SELENOM: variants seen among roughly 807,000 people sequenced by gnomAD.
The protein encoded by SELENOM is selenoprotein SelM.
In SELENOM, 17 loss-of-function variants were observed where a neutral mutation model predicts 14.5. The observed-to-expected ratio is 1.17, with a 90% confidence interval of 0.80 to 1.76. The LOEUF (loss-of-function observed/expected upper bound fraction) is 1.76. Among genes scored for constraint, SELENOM ranks in the 40% most tolerant of loss-of-function variants. SELENOM has a pLI of 0.00. For missense variants in SELENOM, 230 were observed against 204.6 expected (o/e 1.12, Z -0.76); for synonymous variants, 102 against 93.3 (o/e 1.09, Z -0.54).
Position 31,107,387 on chromosome 22 carries a change from G to A in SELENOM, c.119C>T (p.Ala40Val). 1 of 1,594,622 alleles carries A rather than the reference G, an allele frequency of 6.3e-7. No homozygotes were observed. The highest frequency in any genetic ancestry group is 8.5e-7 in the Non-Finnish European group (1 of 1,172,620). Residue 40 changes from alanine to valine, a missense_variant, in exon 1 of 5, where the codon GCC becomes GTC. Coordinates refer to ENST00000400299, the MANE Select transcript of SELENOM (RefSeq NM_080430.4). ...DWNRLSGLTR[A>V]RVETCGGUQL... Reference sequence around the variant, plus strand: ...GGCCGGCGTACTCACCTCTACCCGGGCGCGGGTTAGGCCGCTCAGACGGTT... The same window carrying A: ...GGCCGGCGTACTCACCTCTACCCGGACGCGGGTTAGGCCGCTCAGACGGTT...
chr22:31,105,076 T>A lies in SELENOM; in HGVS notation c.332A>T (p.Glu111Val). 1 of 1,612,934 alleles carries A rather than the reference T, an allele frequency of 6.2e-7. No homozygotes were observed. Residue 111 changes from glutamate to valine, a missense_variant, in exon 5 of 5, where the codon GAG becomes GTG. Transcript: ENST00000400299. ...TREEINALVQ[E>V]LGFYRKAAPD... is the part of the protein sequence containing the mutation. ...CGCCGCCTTGCGGTAGAAGCCGAGC[T>A]CCTGCACTAGCGCATTGATCTCTTC...
chr22:31,107,356 G>T, intron 1 of SELENOM, 21 bp downstream of exon 1: 4 of 1,586,856 alleles, frequency 2.5e-6, no homozygotes, highest in Non-Finnish European at 2.6e-6. Context: ...TAGTGCCGGG[G>T]CTGGAGGCCG....
Position 31,105,115 on chromosome 22 carries a change from C to A in SELENOM, c.293G>T (p.Ser98Ile). 6.2e-7 allele frequency: 1 copy of A among 1,613,552 alleles called. No individual in the cohort carries two copies. The highest frequency in any genetic ancestry group is 8.5e-7 in the Non-Finnish European group (1 of 1,179,830). ...ATTGATCTCTTCGCGGGTCATTTCACTGAGTGGGATGCGCTGAGGCGGAGG... is the reference window on the plus strand; with the variant it reads ...ATTGATCTCTTCGCGGGTCATTTCAATGAGTGGGATGCGCTGAGGCGGAGG... ...RYEELERIPL[S>I]EMTREEINAL... Residue 98 changes from serine (S) to isoleucine (I), a missense_variant, in exon 5 of 5, where the codon AGT (serine) becomes ATT (isoleucine). By Grantham distance (142) the Ser-to-Ile change is moderately radical. Coordinates refer to ENST00000400299, the MANE Select transcript of SELENOM (RefSeq NM_080430.4).
In SELENOM at chr22:31,107,165, G is replaced by A. The variant is rs554325647; in HGVS notation, c.129+212C>T. The A allele has an allele frequency of 1.0e-5, 6 of 583,486 alleles. No homozygotes were observed. The South Asian group carries it at 1.3e-4, about 13-fold the overall frequency. 36.1% of individuals were successfully genotyped at this position (583,486 alleles called of 1,614,324 possible). A position where few individuals can be genotyped will look rare whatever the true frequency, so the allele number is the denominator to read the frequency against. On this transcript the variant is annotated intron_variant, in intron 1 of 4. Coordinates refer to ENST00000400299, the MANE Select transcript of SELENOM (RefSeq NM_080430.4). ...GGTAGGGGGAGCTGGGGAAGGGTTC[G>A]GAGTTCCAGGCCCCAAAGTCGGTGT... is the stretch of plus-strand genomic sequence containing the variant.
At chr22:31,106,643 T>G (rs2147853038) in intron 1 of SELENOM, 1 of 164,142 alleles carries the variant, frequency 6.1e-6, no homozygotes, top group South Asian at 1.7e-4. Flanking sequence ...CCCAAGCTGG[T>G]CTTGAACTCC....
chr22:31,106,642 G>T (rs1212567552), intron 1 of SELENOM: 1 of 164,076 alleles, frequency 6.1e-6, no homozygotes, highest in Middle Eastern at 5.1e-4. Context: ...CCCCAAGCTG[G>T]TCTTGAACTC....
chr22:31,104,859 C>G lies in SELENOM; in HGVS notation c.*111G>C. 3.2e-6 allele frequency: 4 copies of G among 1,262,066 alleles called. No homozygotes were observed. The highest frequency in any genetic ancestry group is 4.3e-6 in the Non-Finnish European group (4 of 936,630). The allele number at this position is 1,262,066 out of a possible 1,614,324, so 78.2% of individuals were successfully genotyped here. A position where few individuals can be genotyped will look rare whatever the true frequency, so the allele number is the denominator to read the frequency against. ...CCTCCCCAACCCCATCCCTGCTGGC[C>G]CGGGGACGGGCATCGGCTCTCAGCA... On this transcript the variant is annotated 3_prime_UTR_variant, in exon 5 of 5. Transcript: ENST00000400299.
At chr22:31,106,035 A>T (rs2044401453) in intron 1 of SELENOM, 70 bp from the exon 2 acceptor site, 6 of 1,425,488 alleles carry the variant, frequency 4.2e-6, no homozygotes, top group Non-Finnish European at 6.0e-6. Context: ...CCAAAGCCAT[A>T]CTTCCTTATC....
At position 31,105,665 on chromosome 22, in the gene SELENOM, G is replaced by C. The variant is rs1357383981; in HGVS notation, c.193C>G (p.Pro65Ala). ...EVKAFVTQDI[P>A]FYHNLVMKHL... ...CCCAGAACAGAAGGATACTAGAATG[G>C]AATGTCCTGCGTGACGAAAGCCTTC... The change falls in exon 3 of 5, where the codon CCA becomes GCA. Residue 65 changes from proline to alanine, a missense_variant. Physicochemically the swap from Pro to Ala is conservative, Grantham distance 27 (BLOSUM62 -1). Transcript: ENST00000400299. 2 of 1,614,034 alleles carry C rather than the reference G, an allele frequency of 1.2e-6. No individual in the cohort carries two copies. Among genetic ancestry groups the C allele is most frequent in the South Asian group, 2.2e-5 (2 of 91,084 alleles).
rs1465855836 is a variant in SELENOM at position 31,107,431 on chromosome 22, A to AGTGGCGGCT, written c.66_74dup (p.Ala24_Ala26dup). ...GACGGTTCCAGTCCGGCCGGTAGGC[A>AGTGGCGGCT]GTGGCGGCTGTGGCTGGGGCCACAA... On this transcript the variant is annotated inframe_insertion, in exon 1 of 5. Transcript: ENST00000400299. 7.0e-6 allele frequency: 11 copies of AGTGGCGGCT among 1,580,722 alleles called. No individual in the cohort carries two copies. Among genetic ancestry groups the AGTGGCGGCT allele is most frequent in the Non-Finnish European group, 9.4e-6 (11 of 1,165,908 alleles).
Position 31,107,411 on chromosome 22 carries a change from T to C in SELENOM, c.95A>G (p.Asn32Ser), listed in dbSNP as rs891586852. Residue 32 changes from asparagine (N) to serine (S), a missense_variant, in exon 1 of 5, where the codon AAC becomes AGC. Asn to Ser is a conservative substitution (Grantham distance 46). Coordinates refer to ENST00000400299, the MANE Select transcript of SELENOM (RefSeq NM_080430.4). ...TAATAYRPDW[N>S]RLSGLTRARV... ...GGCGCGGGTTAGGCCGCTCAGACGG[T>C]TCCAGTCCGGCCGGTAGGCAGTGGC... 9.4e-6 allele frequency: 15 copies of C among 1,591,810 alleles called. No homozygotes were observed. The highest frequency in any genetic ancestry group is 1.2e-5 in the Non-Finnish European group (14 of 1,171,382).
At position 31,104,865 on chromosome 22, in the gene SELENOM, A is replaced by C; in HGVS notation, c.*105T>G. ...CAACCCCATCCCTGCTGGCCCGGGGACGGGCATCGGCTCTCAGCAAGAGAA... is the reference window on the plus strand; with the variant it reads ...CAACCCCATCCCTGCTGGCCCGGGGCCGGGCATCGGCTCTCAGCAAGAGAA... On this transcript the variant is annotated 3_prime_UTR_variant, in exon 5 of 5. Coordinates refer to ENST00000400299, the MANE Select transcript of SELENOM (RefSeq NM_080430.4). 2 of 1,281,342 alleles carry C rather than the reference A, an allele frequency of 1.6e-6. No individual in the cohort carries two copies. Among genetic ancestry groups the C allele is most frequent in the South Asian group, 3.3e-5 (2 of 61,334 alleles). 79.4% of individuals were successfully genotyped at this position (1,281,342 alleles called of 1,614,324 possible). A position where few individuals can be genotyped will look rare whatever the true frequency, so the allele number is the denominator to read the frequency against.
rs765494644 is a variant in SELENOM, at chr22:31,105,033, G to C, written c.375C>G (p.Pro125=). 2 of 1,611,410 alleles carry C rather than the reference G, an allele frequency of 1.2e-6. No homozygotes were observed. The highest frequency in any genetic ancestry group is 1.7e-5 in the Admixed American group (1 of 59,418). ...YRKAAPDAQV[P]PEYVWAPAKP... is the part of the protein sequence containing the mutation. The stretch of plus-strand genomic sequence containing the variant: ...TCGCGGGCGCCCACACGTACTCGGG[G>C]GGCACCTGCGCGTCGGGCGCCGCCT... The change falls in exon 5 of 5, where the codon CCC becomes CCG. Residue 125 remains proline, a synonymous_variant. Transcript: ENST00000400299.
At position 31,107,372 on chromosome 22, in the gene SELENOM, C is replaced by A; in HGVS notation, c.129+5G>T. 1 of 1,592,924 alleles carries A rather than the reference C, an allele frequency of 6.3e-7. No individual in the cohort carries two copies. Among genetic ancestry groups the A allele is most frequent in the Non-Finnish European group, 8.5e-7 (1 of 1,171,470 alleles). On this transcript the variant is annotated splice_donor_5th_base_variant and intron_variant, in intron 1 of 4. Transcript: ENST00000400299. ...AGTGCCGGGGCTGGAGGCCGGCGTA[C>A]TCACCTCTACCCGGGCGCGGGTTAG...
Position 31,105,268 on chromosome 22 carries a change from T to C in SELENOM, c.219A>G (p.Lys73=). The change falls in exon 4 of 5, where the codon AAA becomes AAG. Residue 73 remains lysine (K), a synonymous_variant. Transcript: ENST00000400299. ...GCTCAGGGTCGGCCCCAGGGAGGTG[T>C]TTCATCACCAGGTTGTGACTGGAGG... is the stretch of plus-strand genomic sequence containing the variant. ...DIPFYHNLVM[K]HLPGADPELV... is the part of the protein sequence containing the mutation. The C allele has an allele frequency of 1.2e-6, 2 of 1,612,002 alleles. No individual in the cohort carries two copies. The highest frequency in any genetic ancestry group is 1.7e-6 in the Non-Finnish European group (2 of 1,179,332).
chr22:31,104,810 A>C lies in SELENOM; in HGVS notation c.*160T>G. 1.9e-6 allele frequency: 1 copy of C among 516,578 alleles called. No homozygotes were observed. Among genetic ancestry groups the C allele is most frequent in the Non-Finnish European group, 3.0e-6 (1 of 333,724 alleles). 32.0% of individuals were successfully genotyped at this position (516,578 alleles called of 1,614,324 possible). ...GGAGGGAATTTAGTGGAGCTGGGGA[A>C]GGAAGAAAGTGGGGTTGGGAGAACC... On this transcript the variant is annotated 3_prime_UTR_variant, in exon 5 of 5. Coordinates refer to ENST00000400299, the MANE Select transcript of SELENOM (RefSeq NM_080430.4).
At chr22:31,106,874 C>T (rs2044410853) in intron 1 of SELENOM, 3 of 152,666 alleles carry the variant, frequency 2.0e-5, no homozygotes, top group South Asian at 4.0e-4. Flanking sequence ...ATGTTGGCAA[C>T]CAAGTTCCCA....
chr22:31,105,466 C>T, intron 3 of SELENOM, 180 bp from the exon 4 acceptor site: 1 of 805,944 alleles, frequency 1.2e-6, no homozygotes, highest in Non-Finnish European at 2.0e-6. Flanking sequence ...CCCTCCTCTC[C>T]ATTCTGTGGC....
At chr22:31,107,215 G>A in intron 1 of SELENOM, 162 bp downstream of exon 1, 1 of 885,274 alleles carries the variant, frequency 1.1e-6, no homozygotes, top group South Asian at 1.8e-5. Flanking sequence ...GTGGATGCTG[G>A]GGCCATCTGG....
Sources: allele counts gnomAD v4.1 joint callset, GRCh38; gene constraint gnomAD v4.1.1; transcripts MANE v1.5; gene names NCBI Gene and HGNC (gene_info 2026-07-23, HGNC 2026-07-21).